The following AK2 variants were observed in gnomAD, a reference collection of about 807,000 sequenced individuals.
AK2 encodes adenylate kinase 2, mitochondrial.
AK2 carries 15 observed loss-of-function variants against 24.6 expected under a neutral mutation model. The ratio of observed to expected loss-of-function variants is 0.61; its 90% CI spans 0.41 to 0.94. The LOEUF (loss-of-function observed/expected upper bound fraction) is 0.94, where lower values mean the gene tolerates loss of function less well. Ranked by LOEUF, AK2 falls within the 40% of genes least tolerant of loss-of-function variation. The pLI, the probability that AK2 is intolerant of heterozygous loss-of-function variation, is 0.00. For missense variants in AK2, 257 were observed against 304.1 expected, an observed-to-expected ratio of 0.85 and a Z score of 1.15; for synonymous variants, 102 against 114.0, an observed-to-expected ratio of 0.90 and a Z score of 0.67.
At position 33,012,941 on chromosome 1, in the gene AK2, A is replaced by C. The variant is rs1638918856; in HGVS notation, c.*240T>G. 1 of 1,513,458 alleles carries C rather than the reference A, an allele frequency of 6.6e-7. No homozygotes were observed. The highest frequency in any genetic ancestry group is 1.2e-5 in the South Asian group (1 of 86,804). 93.8% of individuals were successfully genotyped at this position (1,513,458 alleles called of 1,614,324 possible). A position where few individuals can be genotyped will look rare whatever the true frequency, so the allele number is the denominator to read the frequency against. ...AAGTAAACAGCTGGTAAAGCAACCT[A>C]GCCTAAAACTTACAAAGTAGCAGAG... On this transcript the variant is annotated 3_prime_UTR_variant, in exon 6 of 6. Coordinates refer to ENST00000672715, the MANE Select transcript of AK2 (RefSeq NM_001625.4).
At position 33,018,525 on chromosome 1, in the gene AK2, C is replaced by T. The variant is rs543864465; in HGVS notation, c.425+2842G>A. Reference sequence around the variant, plus strand: ...TTCTAACCATCAACATTTTGGACTACGAGGCAGAAAGCAGGCTTCCAGGGC... The same window carrying T: ...TTCTAACCATCAACATTTTGGACTATGAGGCAGAAAGCAGGCTTCCAGGGC... On this transcript the variant is annotated intron_variant, in intron 4 of 5. Coordinates refer to ENST00000672715, the MANE Select transcript of AK2 (RefSeq NM_001625.4). Among the ~76,000 whole-genome samples the T allele has an allele frequency of 1.2e-4, 18 of 152,276 alleles. No homozygotes were observed. In the East Asian group the frequency reaches 1.9e-3, roughly 16 times the overall value.
rs1279970538 is a variant in AK2 at position 33,007,991 on chromosome 1, C to T, written c.*5190G>A. 1.3e-5 allele frequency: 6 copies of T among 453,608 alleles called. No individual in the cohort carries two copies. The East Asian group carries it at 3.5e-4, about 26-fold the overall frequency. 28.1% of individuals were successfully genotyped at this position (453,608 alleles called of 1,614,324 possible). ...GATAATGCATGCAGAACCTCTCACACAGCTAAGAATTTAATATGTTAGACT... is the reference window on the plus strand; with the variant it reads ...GATAATGCATGCAGAACCTCTCACATAGCTAAGAATTTAATATGTTAGACT... On this transcript the variant is annotated 3_prime_UTR_variant, in exon 6 of 6. Transcript: ENST00000672715.
At position 33,012,463 on chromosome 1, in the gene AK2, T is replaced by A; in HGVS notation, c.*718A>T. ...TGCCATCAGGAACTGTGACCCTGCC[T>A]GACTTCACATGATCCTGGACTTCTA... On this transcript the variant is annotated 3_prime_UTR_variant, in exon 6 of 6. Transcript: ENST00000672715. 1 of 1,421,088 alleles carries A rather than the reference T, an allele frequency of 7.0e-7. No homozygotes were observed. Among genetic ancestry groups the A allele is most frequent in the Admixed American group, 2.1e-5 (1 of 47,634 alleles). The allele number at this position is 1,421,088 out of a possible 1,614,324, so 88.0% of individuals were successfully genotyped here. A position where few individuals can be genotyped will look rare whatever the true frequency, so the allele number is the denominator to read the frequency against.
At chr1:33,015,107 C>G (rs1010361755) in intron 4 of AK2, among the ~76,000 whole-genome samples, 3 of 152,180 alleles carry the variant, frequency 2.0e-5, no homozygotes, top group African/African-American at 7.2e-5. Flanking sequence ...GAAATGAACT[C>G]TATTTTCTAA....
Position 33,009,279 on chromosome 1 carries a change from T to G in AK2, c.*3902A>C, listed in dbSNP as rs1367985981. The G allele has an allele frequency of 2.2e-6, 1 of 454,132 alleles. No individual in the cohort carries two copies. Among genetic ancestry groups the G allele is most frequent in the East Asian group, 6.9e-5 (1 of 14,400 alleles). 28.1% of individuals were successfully genotyped at this position (454,132 alleles called of 1,614,324 possible). On this transcript the variant is annotated 3_prime_UTR_variant, in exon 6 of 6. Coordinates refer to ENST00000672715, the MANE Select transcript of AK2 (RefSeq NM_001625.4). ...CAGCCCTTCCAAAAACATGAGAGCT[T>G]TAGTTTGGAGAAATTATTTAAGCTC...
At chr1:33,022,093 C>G (rs748606675) in intron 2 of AK2, among the ~76,000 whole-genome samples, 1 of 152,090 alleles carries the variant, frequency 6.6e-6, no homozygotes, top group Non-Finnish European at 1.5e-5. Flanking sequence ...CAGTGATCCT[C>G]AAGGCACAGG....
chr1:33,008,100 G>A lies in AK2; in HGVS notation c.*5081C>T, dbSNP rs754337139. ...TCTAGGGGATCCTTAGCCTGGTTCC[G>A]GATGGTCAGTAAGACAACTTTCTTC... On this transcript the variant is annotated 3_prime_UTR_variant, in exon 6 of 6. Transcript: ENST00000672715. 1.3e-5 allele frequency: 6 copies of A among 453,960 alleles called. No individual in the cohort carries two copies. Among genetic ancestry groups the A allele is most frequent in the Non-Finnish European group, 2.6e-5 (6 of 226,800 alleles). The allele number at this position is 453,960 out of a possible 1,614,324, so 28.1% of individuals were successfully genotyped here. A position where few individuals can be genotyped will look rare whatever the true frequency, so the allele number is the denominator to read the frequency against.
At chr1:33,017,954 G>C (rs1195782261) in intron 4 of AK2, among the ~76,000 whole-genome samples, 2 of 151,884 alleles carry the variant, frequency 1.3e-5, no homozygotes, top group Non-Finnish European at 2.9e-5. Flanking sequence ...TAGTAGAGAC[G>C]AGGTCTTGCT....
In AK2 at chr1:33,011,920, T is replaced by G. The variant is rs1268107244; in HGVS notation, c.*1261A>C. 2 of 1,532,708 alleles carry G rather than the reference T, an allele frequency of 1.3e-6. No homozygotes were observed. Among genetic ancestry groups the G allele is most frequent in the Non-Finnish European group, 1.7e-6 (2 of 1,145,998 alleles). 94.9% of individuals were successfully genotyped at this position (1,532,708 alleles called of 1,614,324 possible). On this transcript the variant is annotated 3_prime_UTR_variant, in exon 6 of 6. Coordinates refer to ENST00000672715, the MANE Select transcript of AK2 (RefSeq NM_001625.4). The stretch of plus-strand genomic sequence containing the variant: ...ATCTAGAAAGGAGAGGGTTTGGGCT[T>G]AAAAAGAACATATCTGATTTCAGTT...
Position 33,008,901 on chromosome 1 carries a change from T to C in AK2, c.*4280A>G, listed in dbSNP as rs978504628. On this transcript the variant is annotated 3_prime_UTR_variant, in exon 6 of 6. Transcript: ENST00000672715. ...TAGCTCACCCAGTCTTCTCTGTTTATTCTTCTCAACTACACCATGCTGCTT... is the reference window on the plus strand; with the variant it reads ...TAGCTCACCCAGTCTTCTCTGTTTACTCTTCTCAACTACACCATGCTGCTT... 2 of 454,048 alleles carry C rather than the reference T, an allele frequency of 4.4e-6. No homozygotes were observed. Among genetic ancestry groups the C allele is most frequent in the Non-Finnish European group, 8.8e-6 (2 of 226,804 alleles). The allele number at this position is 454,048 out of a possible 1,614,324, so 28.1% of individuals were successfully genotyped here.
rs1334338721 is a variant in AK2 at position 33,009,430 on chromosome 1, C to T, written c.*3751G>A. The T allele has an allele frequency of 8.8e-6, 4 of 454,006 alleles. No homozygotes were observed. Among genetic ancestry groups the T allele is most frequent in the African/African-American group, 2.0e-5 (1 of 49,990 alleles). 28.1% of individuals were successfully genotyped at this position (454,006 alleles called of 1,614,324 possible). ...GGATTAGAAGCACTGGCTTTCTAGACTATGGACAAGTGTCCATTCAACAGT... is the reference window on the plus strand; with the variant it reads ...GGATTAGAAGCACTGGCTTTCTAGATTATGGACAAGTGTCCATTCAACAGT... On this transcript the variant is annotated 3_prime_UTR_variant, in exon 6 of 6. Coordinates refer to ENST00000672715, the MANE Select transcript of AK2 (RefSeq NM_001625.4).
intron 4 of AK2, among the ~76,000 whole-genome samples, chr1:33,017,624 C>T (rs1480351675): frequency 6.6e-6 from 1 of 152,120 alleles, no homozygotes; most frequent in African/African-American, 2.4e-5. Context: ...TGAAAGAAAC[C>T]CCACTCTCCA....
Position 33,011,527 on chromosome 1 carries a change from T to C in AK2, c.*1654A>G. On this transcript the variant is annotated 3_prime_UTR_variant, in exon 6 of 6. Transcript: ENST00000672715. ...TGTGGACAGCAGATAAGACCTCTGG[T>C]AGTCTCACAGATGGCAGGAGAGCTC... 1 of 1,287,466 alleles carries C rather than the reference T, an allele frequency of 7.8e-7. No homozygotes were observed. The highest frequency in any genetic ancestry group is 1.0e-6 in the Non-Finnish European group (1 of 988,874). The allele number at this position is 1,287,466 out of a possible 1,614,324, so 79.8% of individuals were successfully genotyped here. A position where few individuals can be genotyped will look rare whatever the true frequency, so the allele number is the denominator to read the frequency against.
Position 33,012,326 on chromosome 1 carries a change from G to A in AK2, c.*855C>T, listed in dbSNP as rs1330921871. The A allele has an allele frequency of 2.6e-6, 4 of 1,531,554 alleles. No individual in the cohort carries two copies. The highest frequency in any genetic ancestry group is 2.6e-6 in the Non-Finnish European group (3 of 1,145,792). 94.9% of individuals were successfully genotyped at this position (1,531,554 alleles called of 1,614,324 possible). On this transcript the variant is annotated 3_prime_UTR_variant, in exon 6 of 6. Transcript: ENST00000672715. ...AATTTCTGTAACCTGCAAAGTAAGTGCCTTTTTCCTTCCACCTAGGGGGAA... is the reference window on the plus strand; with the variant it reads ...AATTTCTGTAACCTGCAAAGTAAGTACCTTTTTCCTTCCACCTAGGGGGAA...
At chr1:33,033,843 T>C (rs1375145207) in intron 1 of AK2, among the ~76,000 whole-genome samples, 2 of 152,192 alleles carry the variant, frequency 1.3e-5, no homozygotes, top group African/African-American at 4.8e-5. Flanking sequence ...AGGCTAAATG[T>C]TATTGTAGGC....
chr1:33,030,202 G>A (rs1303937472), intron 1 of AK2, among the ~76,000 whole-genome samples: 1 of 152,166 alleles, frequency 6.6e-6, no homozygotes, highest in Non-Finnish European at 1.5e-5. Flanking sequence ...CACTCCACAG[G>A]AATGCCCTCT....
rs1557607011 is a variant in AK2, at chr1:33,010,930, A to G, written c.*2251T>C. The G allele has an allele frequency of 9.4e-6, 15 of 1,589,408 alleles. No homozygotes were observed. Among genetic ancestry groups the G allele is most frequent in the Non-Finnish European group, 1.3e-5 (15 of 1,167,436 alleles). On this transcript the variant is annotated 3_prime_UTR_variant, in exon 6 of 6. Transcript: ENST00000672715. ...CATGTAAGCCCCAGCAACCAAATGC[A>G]TTAAACACTGGACATTTCTGTGACA...
At position 33,033,106 on chromosome 1, in the gene AK2, G is replaced by A. The variant is rs1160787875; in HGVS notation, c.93+3630C>T. Among the ~76,000 whole-genome samples, 4 of 150,584 alleles carry A rather than the reference G, an allele frequency of 2.7e-5. No individual in the cohort carries two copies. The Admixed American group carries it at 2.7e-4, about 10-fold the overall frequency. Reference sequence around the variant, plus strand: ...ATCCGGGAAGCAGAGCTTGCAGTGAGCCAAGATCACACCACTGCACTCCAG... The same window carrying A: ...ATCCGGGAAGCAGAGCTTGCAGTGAACCAAGATCACACCACTGCACTCCAG... On this transcript the variant is annotated intron_variant, in intron 1 of 5. Coordinates refer to ENST00000672715, the MANE Select transcript of AK2 (RefSeq NM_001625.4).
At chr1:33,030,372 C>T (rs780510409) in intron 1 of AK2, among the ~76,000 whole-genome samples, 8 of 152,122 alleles carry the variant, frequency 5.3e-5, no homozygotes, top group Admixed American at 2.0e-4. Flanking sequence ...CCGGGCAACA[C>T]AGCAAGACCC....
Sources: allele counts gnomAD v4.1 joint callset (sites outside exome capture counted in the v4.1 genomes callset), GRCh38; gene constraint gnomAD v4.1.1; transcripts MANE v1.5; gene names NCBI Gene and HGNC (gene_info 2026-07-23, HGNC 2026-07-21).